TENM2: variants seen among roughly 807,000 people sequenced by gnomAD.
TENM2 encodes the protein teneurin transmembrane protein 2.
Under a neutral mutation model 245.2 loss-of-function variants are expected in TENM2, and 52 were observed. That is an observed-to-expected ratio of 0.21 (90% CI 0.17 to 0.27). The LOEUF is 0.27. Among genes scored for constraint, TENM2 ranks in the 10% least tolerant of loss-of-function variants. TENM2 has a pLI of 1.00. For missense variants in TENM2, 3,046 were observed against 3,666.8 expected (o/e 0.83, Z 4.37); for synonymous variants, 1,363 against 1,438.9 (o/e 0.95, Z 1.19).
At chr5:168,145,073 G>C (rs1395125498) in intron 12 of TENM2, among the ~76,000 whole-genome samples, 1 of 151,434 alleles carries the variant, frequency 6.6e-6, no homozygotes, top group East Asian at 1.9e-4. Context: ...GTAGATTCTG[G>C]ATATTAGCCC....
At chr5:168,042,268 A>G (rs1187954239) in intron 5 of TENM2, among the ~76,000 whole-genome samples, 1 of 151,932 alleles carries the variant, frequency 6.6e-6, no homozygotes, top group Admixed American at 6.6e-5. Flanking sequence ...GGAAAGCCCA[A>G]TCTCCTCCTC....
chr5:167,172,720 T>C, the TENM2 span, among the ~76,000 whole-genome samples: 1 of 150,984 alleles, frequency 6.6e-6, no homozygotes, highest in African/African-American at 2.4e-5. Context: ...CAAGCGATAC[T>C]CCTGCCTGAG....
At chr5:167,874,395 T>C (rs753269875) in intron 2 of TENM2, among the ~76,000 whole-genome samples, 1 of 152,106 alleles carries the variant, frequency 6.6e-6, no homozygotes, top group Non-Finnish European at 1.5e-5. Context: ...GAAAATACAA[T>C]TATAAAAGCA....
the TENM2 span, among the ~76,000 whole-genome samples, chr5:167,019,141 A>G: frequency 4.0e-5 from 5 of 124,004 alleles, no homozygotes; most frequent in African/African-American, 1.3e-4. Flanking sequence ...TTAGATAAGG[A>G]ATTTTTTTTT....
chr5:168,214,573 C>A (rs900891484), intron 20 of TENM2, among the ~76,000 whole-genome samples: 2 of 152,172 alleles, frequency 1.3e-5, no homozygotes, highest in East Asian at 1.9e-4. Flanking sequence ...TAGGAAAACT[C>A]CAGGTCACCC....
At chr5:167,927,821 C>A (rs1777878041) in intron 3 of TENM2, among the ~76,000 whole-genome samples, 5 of 152,180 alleles carry the variant, frequency 3.3e-5, no homozygotes, top group Admixed American at 3.3e-4. Context: ...ACCCTTGAGT[C>A]TCCATTTCTG....
In TENM2 at chr5:167,442,723, C is replaced by A. The variant is rs1764940912; in HGVS notation, c.502+67250C>A. On this transcript the variant is annotated intron_variant, in intron 2 of 28. Transcript: ENST00000518659. ...AAAATTTATTAGAGATTTAAGAGTT[C>A]TCTGAAGCATTTTTCAGAAATAGCA... Among the ~76,000 whole-genome samples, 3 of 152,036 alleles carry A rather than the reference C, an allele frequency of 2.0e-5. No individual in the cohort carries two copies. In the South Asian group the frequency reaches 6.2e-4, roughly 31 times the overall value.
chr5:168,003,181 A>G (rs1177667002), intron 5 of TENM2, among the ~76,000 whole-genome samples: 1 of 152,178 alleles, frequency 6.6e-6, no homozygotes, highest in Non-Finnish European at 1.5e-5. Context: ...CTGGATATGT[A>G]CAAGGGTCTA....
intron 2 of TENM2, among the ~76,000 whole-genome samples, chr5:167,654,488 G>A (rs933209365): frequency 4.6e-5 from 7 of 152,082 alleles, no homozygotes; most frequent in African/African-American, 1.4e-4. Flanking sequence ...TACTCAATAC[G>A]TGTTAGGCGA....
chr5:167,804,458 T>A lies in TENM2; in HGVS notation c.503-71528T>A, dbSNP rs1415536250. On this transcript the variant is annotated intron_variant, in intron 2 of 28. Coordinates refer to ENST00000518659, the Ensembl canonical transcript of TENM2. ...TGGGTTACATATGTCCTAAACTAGTTATTAAGCCTTTAGTTGCCAGCAAAT... is the reference window on the plus strand; with the variant it reads ...TGGGTTACATATGTCCTAAACTAGTAATTAAGCCTTTAGTTGCCAGCAAAT... Among the ~76,000 whole-genome samples, 5 of 152,266 alleles carry A rather than the reference T, an allele frequency of 3.3e-5. No homozygotes were observed. The East Asian group carries it at 9.7e-4, about 29-fold the overall frequency.
At chr5:168,201,451 T>G (rs1761934064) in intron 17 of TENM2, among the ~76,000 whole-genome samples, 1 of 152,098 alleles carries the variant, frequency 6.6e-6, no homozygotes, top group Non-Finnish European at 1.5e-5. Context: ...CTCCTGCCAT[T>G]ATCAACTCAT....
At chr5:167,002,174 G>A in the TENM2 span, among the ~76,000 whole-genome samples, 1 of 152,088 alleles carries the variant, frequency 6.6e-6, no homozygotes, top group African/African-American at 2.4e-5. Flanking sequence ...TTACTTAGAA[G>A]AATGTTTTGT....
At chr5:167,281,956 C>T (rs903083862), upstream of TENM2, among the ~76,000 whole-genome samples, 1 of 146,944 alleles carries the variant, frequency 6.8e-6, no homozygotes, top group South Asian at 2.1e-4. Context: ...GCGGAGATCA[C>T]GCCTCTGCAC....
intron 2 of TENM2, among the ~76,000 whole-genome samples, chr5:167,598,176 T>C (rs1474405400): frequency 6.6e-6 from 1 of 152,246 alleles, no homozygotes; most frequent in Non-Finnish European, 1.5e-5. Flanking sequence ...CAGATTGATA[T>C]TGCATTTTAA....
At chr5:167,555,035 A>G (rs909885136) in intron 2 of TENM2, among the ~76,000 whole-genome samples, 10 of 152,172 alleles carry the variant, frequency 6.6e-5, no homozygotes, top group African/African-American at 2.4e-4. Context: ...AAGCAATGGT[A>G]CCAATTGAAG....
rs1442643849 is a variant in TENM2 at position 167,394,677 on chromosome 5, C to T, written c.502+19204C>T. Among the ~76,000 whole-genome samples, 4 of 151,842 alleles carry T rather than the reference C, an allele frequency of 2.6e-5. No individual in the cohort carries two copies. In the East Asian group the frequency reaches 7.7e-4, roughly 29 times the overall value. Reference sequence around the variant, plus strand: ...GGTGTGATCTCGGCTTAGGAGGCAACCTCTACCTCCTGGGGTCAAGTGATT... The same window carrying T: ...GGTGTGATCTCGGCTTAGGAGGCAATCTCTACCTCCTGGGGTCAAGTGATT... On this transcript the variant is annotated intron_variant, in intron 2 of 28. Coordinates refer to ENST00000518659, the Ensembl canonical transcript of TENM2.
At chr5:167,781,733 AT>A (rs1764199894) in intron 2 of TENM2, among the ~76,000 whole-genome samples, 1 of 152,188 alleles carries the variant, frequency 6.6e-6, no homozygotes, top group Non-Finnish European at 1.5e-5. Flanking sequence ...TTTCCTTAGA[AT>A]TAAAAGTTGG....
chr5:167,377,471 A>G (rs536531690), intron 2 of TENM2, among the ~76,000 whole-genome samples: 7 of 152,188 alleles, frequency 4.6e-5, no homozygotes, highest in Non-Finnish European at 1.0e-4. Flanking sequence ...AGAGATGCTT[A>G]TTTTAAAATA....
intron 2 of TENM2, among the ~76,000 whole-genome samples, chr5:167,542,582 G>A (rs1329609094): frequency 2.6e-5 from 4 of 152,118 alleles, no homozygotes; most frequent in Non-Finnish European, 5.9e-5. Flanking sequence ...AATATCCCTG[G>A]GTCATTGCCA....
Sources: allele counts gnomAD v4.1 joint callset (sites outside exome capture counted in the v4.1 genomes callset), GRCh38; gene constraint gnomAD v4.1.1; transcripts MANE v1.5; gene names NCBI Gene and HGNC (gene_info 2026-07-23, HGNC 2026-07-21).